The following CELF2 variants were observed in gnomAD, a reference collection of about 807,000 sequenced individuals.
CELF2 encodes CUG triplet repeat RNA-binding protein 2.
A neutral mutation model predicts 62.6 loss-of-function variants in CELF2; 8 were observed. That is an observed-to-expected ratio of 0.13 (90% CI 0.07 to 0.23). The LOEUF is 0.23. CELF2 is among the 10% of genes least tolerant of loss of function. The pLI is 1.00. For missense variants in CELF2, 333 were observed against 671.0 expected, an observed-to-expected ratio of 0.50 and a Z score of 5.56; for synonymous variants, 258 against 250.0, an observed-to-expected ratio of 1.03 and a Z score of -0.30.
chr10:10,535,661 G>A, the CELF2 span, among the ~76,000 whole-genome samples: 5 of 152,152 alleles, frequency 3.3e-5, no homozygotes, highest in African/African-American at 1.2e-4. Flanking sequence ...GGAGGCTGCA[G>A]TGAGCCGAGA....
chr10:11,109,541 C>T (rs1446331249), intron 1 of CELF2, among the ~76,000 whole-genome samples: 1 of 152,318 alleles, frequency 6.6e-6, no homozygotes, highest in Non-Finnish European at 1.5e-5. Context: ...AGAGAGATCA[C>T]AGTGCCGGTA....
At chr10:10,766,842 C>T in the CELF2 span, among the ~76,000 whole-genome samples, 5 of 152,344 alleles carry the variant, frequency 3.3e-5, no homozygotes, top group Non-Finnish European at 5.9e-5. Flanking sequence ...TGAAAGTCTA[C>T]AGGCTTTGTA....
At chr10:10,912,589 T>C (rs2063913315) in intron 1 of CELF2, among the ~76,000 whole-genome samples, 2 of 152,176 alleles carry the variant, frequency 1.3e-5, no homozygotes, top group Non-Finnish European at 2.9e-5. Context: ...AGGGTGGTCT[T>C]GATCTCTTGA....
chr10:10,715,976 A>G, the CELF2 span, among the ~76,000 whole-genome samples: 8 of 152,326 alleles, frequency 5.3e-5, no homozygotes, highest in South Asian at 1.5e-3. Flanking sequence ...ATATAGTCCC[A>G]ATACAGTTCT....
intron 1 of CELF2, among the ~76,000 whole-genome samples, chr10:10,803,466 C>T (rs774479153): frequency 1.3e-5 from 2 of 152,198 alleles, no homozygotes; most frequent in Admixed American, 1.3e-4. Context: ...CCCTGCCTGG[C>T]AATCTTTCCT....
At chr10:10,911,862 C>G (rs1316632246) in intron 1 of CELF2, among the ~76,000 whole-genome samples, 2 of 152,212 alleles carry the variant, frequency 1.3e-5, no homozygotes, top group Non-Finnish European at 2.9e-5. Flanking sequence ...GCTCATATTG[C>G]AATCATTTCC....
rs924881542 is a variant in CELF2 at position 11,234,634 on chromosome 10, A to G, written c.355-14519A>G. ...GGGGCGGAGCCTGCAGTGAGCCGAG[A>G]TCGCGCCACTGCACTCCAGCCTGGG... is the stretch of plus-strand genomic sequence containing the variant. On this transcript the variant is annotated intron_variant, in intron 3 of 12. Transcript: ENST00000633077. 9.8e-5 allele frequency among the ~76,000 whole-genome samples: 14 copies of G among 143,292 alleles called. No individual in the cohort carries two copies. The East Asian group carries it at 2.5e-3, about 25-fold the overall frequency. The allele number at this position is 143,292 out of a possible 152,430, so 94.0% of individuals were successfully genotyped here. A position where few individuals can be genotyped will look rare whatever the true frequency, so the allele number is the denominator to read the frequency against.
the CELF2 span, among the ~76,000 whole-genome samples, chr10:10,549,094 C>G: frequency 6.6e-6 from 1 of 152,158 alleles, no homozygotes; most frequent in South Asian, 2.1e-4. Flanking sequence ...CTCTCTGGTC[C>G]TCATGTTCTC....
At chr10:11,153,948 C>T (rs919830580) in intron 1 of CELF2, among the ~76,000 whole-genome samples, 4 of 152,174 alleles carry the variant, frequency 2.6e-5, no homozygotes, top group Admixed American at 2.6e-4. Flanking sequence ...GGAGTGGGTC[C>T]AGAATGAATT....
chr10:11,228,996 C>T (rs1219824286), intron 3 of CELF2, among the ~76,000 whole-genome samples: 8 of 152,080 alleles, frequency 5.3e-5, no homozygotes, highest in Non-Finnish European at 7.4e-5. Context: ...GAAAGTAGGC[C>T]GGATGGAATT....
rs2065546375 is a variant in CELF2, at chr10:11,223,591, G to C, written c.354+6084G>C. Among the ~76,000 whole-genome samples, 1 of 152,232 alleles carries C rather than the reference G, an allele frequency of 6.6e-6. No homozygotes were observed. ...CAAAATAAGGACTTTGTTTCTCTTG[G>C]AGATGACTTTTTAAGGACTGTGACA... is the stretch of plus-strand genomic sequence containing the variant. On this transcript the variant is annotated intron_variant, in intron 3 of 12. Coordinates refer to ENST00000633077, the MANE Select transcript of CELF2 (RefSeq NM_001326342.2). This position sits in a 1 kb window ranked among gnomAD's most constrained non-coding sequence, Gnocchi z 5.1.
At chr10:10,624,475 T>A in the CELF2 span, among the ~76,000 whole-genome samples, 1 of 152,210 alleles carries the variant, frequency 6.6e-6, no homozygotes, top group African/African-American at 2.4e-5. Flanking sequence ...AAGCAGTTAG[T>A]AAATCTAGCT....
At chr10:10,699,512 G>A in the CELF2 span, among the ~76,000 whole-genome samples, 103,433 of 152,088 alleles carry the variant, frequency 0.68, 35,962 homozygotes, top group South Asian at 0.83. Flanking sequence ...GCAAATAAGC[G>A]ATCATGAAAG....
the CELF2 span, among the ~76,000 whole-genome samples, chr10:10,743,508 T>G: frequency 1.3e-5 from 2 of 152,236 alleles, no homozygotes; most frequent in African/African-American, 4.8e-5. Flanking sequence ...AAGATACCAT[T>G]GGCCCAAACT....
the CELF2 span, chr10:10,788,976 G>C: frequency 6.6e-6 from 1 of 152,104 alleles, no homozygotes; most frequent in Admixed American, 6.6e-5. Context: ...TGTCTTGCCA[G>C]TTATTATGCT....
the CELF2 span, among the ~76,000 whole-genome samples, chr10:10,677,248 T>G: frequency 6.6e-6 from 1 of 152,304 alleles, no homozygotes; most frequent in African/African-American, 2.4e-5. Context: ...ACTGACTGAG[T>G]GGGTCTTACG....
At chr10:11,179,337 C>T (rs1179185735) in intron 2 of CELF2, among the ~76,000 whole-genome samples, 2 of 151,908 alleles carry the variant, frequency 1.3e-5, no homozygotes, top group Non-Finnish European at 2.9e-5. Flanking sequence ...GAATTTATGA[C>T]GCTTATTTTC....
intron 2 of CELF2, among the ~76,000 whole-genome samples, chr10:10,982,122 ATTT>A (rs1014796325): frequency 1.4e-4 from 22 of 151,782 alleles, no homozygotes; most frequent in African/African-American, 5.3e-4. Flanking sequence ...TGGCTGGCTA[ATTT>A]TTTTATTTTT....
chr10:10,916,011 T>C (rs1380271541), intron 1 of CELF2, among the ~76,000 whole-genome samples: 2 of 152,206 alleles, frequency 1.3e-5, no homozygotes, highest in East Asian at 3.8e-4. Context: ...CAATGAAAAA[T>C]GCATGGTTTT....
Sources: gnomAD v4.1 joint callset for allele counts (sites outside exome capture counted in the v4.1 genomes callset) on GRCh38, gnomAD v4.1.1 for gene constraint, Gnocchi (gnomAD v3.1) non-coding constraint, MANE v1.5 for transcripts, NCBI Gene and HGNC (gene_info 2026-07-23, HGNC 2026-07-21) for gene names.